CABP7: variants seen among roughly 807,000 people sequenced by gnomAD.
CABP7 encodes calcium binding protein 7.
A neutral mutation model predicts 23.1 loss-of-function variants in CABP7; 13 were observed. The observed-to-expected ratio is 0.56, with a 90% CI of 0.37 to 0.90. The LOEUF is 0.90. CABP7 is among the 40% of genes least tolerant of loss of function. CABP7 has a pLI of 0.01. For synonymous variants in CABP7, 123 were observed against 115.3 expected (o/e 1.07, Z -0.43); for missense variants, 248 against 295.6 (o/e 0.84, Z 1.18).
In CABP7 at chr22:29,727,855, G is replaced by C; in HGVS notation, c.253+50G>C. 1 of 1,578,178 alleles carries C rather than the reference G, an allele frequency of 6.3e-7. No homozygotes were observed. On this transcript the variant is annotated intron_variant, in intron 2 of 4. Coordinates refer to ENST00000216144, the MANE Select transcript of CABP7 (RefSeq NM_182527.3). This position sits in a 1 kb window ranked among gnomAD's most constrained non-coding sequence, Gnocchi z 4.2. Reference sequence around the variant, plus strand: ...CCCCACCTGGCATCTGGGCCCTGGGGGTGGGGCAGGGGCTGGGGCCTGAGC... The same window carrying C: ...CCCCACCTGGCATCTGGGCCCTGGGCGTGGGGCAGGGGCTGGGGCCTGAGC...
At chr22:29,723,766 G>T (rs1296520464) in intron 1 of CABP7, among the ~76,000 whole-genome samples, 3 of 152,252 alleles carry the variant, frequency 2.0e-5, no homozygotes. Flanking sequence ...GAGTGGTGGG[G>T]CACGGGGCCA....
Position 29,729,402 on chromosome 22 carries a change from C to T in CABP7, c.521-40C>T, listed in dbSNP as rs757117993. On this transcript the variant is annotated intron_variant, in intron 4 of 4. Transcript: ENST00000216144. ...GCTCCTGACTCCATCGCTTTGATGTCCCCTTCTGTCTCCCCGGTGCTCCCG... is the reference window on the plus strand; with the variant it reads ...GCTCCTGACTCCATCGCTTTGATGTTCCCTTCTGTCTCCCCGGTGCTCCCG... 3.7e-6 allele frequency: 6 copies of T among 1,602,786 alleles called. No homozygotes were observed. In the African/African-American group the frequency reaches 8.0e-5, roughly 21 times the overall value.
At position 29,731,293 on chromosome 22, in the gene CABP7, G is replaced by A. The variant is rs2067840667; in HGVS notation, c.*1724G>A. 1 of 1,526,808 alleles carries A rather than the reference G, an allele frequency of 6.5e-7. No individual in the cohort carries two copies. Among genetic ancestry groups the A allele is most frequent in the Non-Finnish European group, 8.7e-7 (1 of 1,149,406 alleles). The allele number at this position is 1,526,808 out of a possible 1,614,324, so 94.6% of individuals were successfully genotyped here. On this transcript the variant is annotated 3_prime_UTR_variant, in exon 5 of 5. Coordinates refer to ENST00000216144, the MANE Select transcript of CABP7 (RefSeq NM_182527.3). ...GGGGGTGCCCGCAGGGATGGAGGCAGCTCCTGAACTGGTGGCCAGCCCACG... is the reference window on the plus strand; with the variant it reads ...GGGGGTGCCCGCAGGGATGGAGGCAACTCCTGAACTGGTGGCCAGCCCACG...
rs117612130 is a variant in CABP7 at position 29,724,576 on chromosome 22, T to C, written c.110-3086T>C. Among the ~76,000 whole-genome samples, 361 of 152,328 alleles carry C rather than the reference T, an allele frequency of 2.4e-3. 2 individuals are homozygous for C. In the South Asian group the frequency reaches 0.027, roughly 12 times the overall value. ...ACCTTGGGTCTCTGCCACTTCAGGC[T>C]GCCTCCCTGGCTGGGAAGGTGGTGC... On this transcript the variant is annotated intron_variant, in intron 1 of 4. Coordinates refer to ENST00000216144, the MANE Select transcript of CABP7 (RefSeq NM_182527.3).
At chr22:29,721,460 G>A (rs1016195347) in intron 1 of CABP7, among the ~76,000 whole-genome samples, 9 of 152,110 alleles carry the variant, frequency 5.9e-5, no homozygotes, top group Non-Finnish European at 1.2e-4. Flanking sequence ...GGCTGATGGG[G>A]GTCACGGCCT....
chr22:29,720,666 T>C lies in CABP7; in HGVS notation c.109+133T>C. On this transcript the variant is annotated intron_variant, in intron 1 of 4. Coordinates refer to ENST00000216144, the MANE Select transcript of CABP7 (RefSeq NM_182527.3). This position sits in a 1 kb window ranked among gnomAD's most constrained non-coding sequence, Gnocchi z 5.2. ...CCGGTTGCCAGGTGGGCGCCCCAGC[T>C]AGCAGCTGTGCCCCGCGGCAAGACC... is the stretch of plus-strand genomic sequence containing the variant. 1 of 474,248 alleles carries C rather than the reference T, an allele frequency of 2.1e-6. No individual in the cohort carries two copies. The highest frequency in any genetic ancestry group is 2.9e-5 in the South Asian group (1 of 34,006). 29.4% of individuals were successfully genotyped at this position (474,248 alleles called of 1,614,324 possible).
At chr22:29,726,968 C>T (rs1219489670) in intron 1 of CABP7, among the ~76,000 whole-genome samples, 1 of 152,172 alleles carries the variant, frequency 6.6e-6, no homozygotes, top group East Asian at 1.9e-4. Flanking sequence ...TTGCTTGTTC[C>T]CCGGGCTCCC....
Position 29,727,797 on chromosome 22 carries a change from A to G in CABP7, c.245A>G (p.Asp82Gly). 6.2e-7 allele frequency: 1 copy of G among 1,608,612 alleles called. No individual in the cohort carries two copies. Among genetic ancestry groups the G allele is most frequent in the Non-Finnish European group, 8.5e-7 (1 of 1,177,050 alleles). Residue 82 changes from aspartate (D) to glycine (G), a missense_variant, in exon 2 of 5, where the codon GAC (aspartate) becomes GGC (glycine). By Grantham distance (94) the Asp-to-Gly change is moderately conservative. Coordinates refer to ENST00000216144, the MANE Select transcript of CABP7 (RefSeq NM_182527.3). The surrounding 1 kb of genome is among the most constrained non-coding windows in gnomAD (Gnocchi z 4.2). ...CTGGAGGTCATCATCCAGCGGCTGG[A>G]CATGGATGGTGAGCACCCCCCCGCC... ...VELEVIIQRLDMDGDGQVDFE... is the reference protein window; with the variant it reads ...VELEVIIQRLGMDGDGQVDFE...
intron 3 of CABP7, 48 bp from the exon 4 acceptor site, chr22:29,729,007 T>A: frequency 2.5e-6 from 4 of 1,594,356 alleles, no homozygotes; most frequent in Non-Finnish European, 3.4e-6. Flanking sequence ...GGGTGCTGGG[T>A]GGGGGCTGCG....
intron 1 of CABP7, among the ~76,000 whole-genome samples, chr22:29,723,304 G>A (rs1879618113): frequency 6.6e-6 from 1 of 152,118 alleles, no homozygotes; most frequent in African/African-American, 2.4e-5. Flanking sequence ...AGTTGGCAGG[G>A]TAGGAATGTG....
intron 1 of CABP7, among the ~76,000 whole-genome samples, chr22:29,726,275 T>C (rs971096678): frequency 2.6e-5 from 4 of 152,114 alleles, no homozygotes; most frequent in Non-Finnish European, 5.9e-5. Context: ...ATAAGCCTGA[T>C]AAGGGTGGGG....
At chr22:29,723,606 T>A (rs967860062) in intron 1 of CABP7, among the ~76,000 whole-genome samples, 1 of 152,174 alleles carries the variant, frequency 6.6e-6, no homozygotes, top group African/African-American at 2.4e-5. Context: ...GGGCTGACAC[T>A]TGGCCTGCCC....
chr22:29,728,654 A>C lies in CABP7; in HGVS notation c.278A>C (p.Glu93Ala). The change falls in exon 3 of 5, where the codon GAG (glutamate) becomes GCG (alanine). Residue 93 changes from glutamate (E) to alanine (A), a missense_variant. Transcript: ENST00000216144. ...MDGDGQVDFE[E>A]FVTLLGPKLS... is the part of the protein sequence containing the mutation. Reference sequence around the variant, plus strand: ...GGTGATGGTCAAGTGGACTTTGAGGAGTTTGTGACCCTTCTGGGACCCAAA... The same window carrying C: ...GGTGATGGTCAAGTGGACTTTGAGGCGTTTGTGACCCTTCTGGGACCCAAA... 1 of 1,613,314 alleles carries C rather than the reference A, an allele frequency of 6.2e-7. No individual in the cohort carries two copies. Among genetic ancestry groups the C allele is most frequent in the Non-Finnish European group, 8.5e-7 (1 of 1,179,602 alleles).
At position 29,727,584 on chromosome 22, in the gene CABP7, T is replaced by A. The variant is rs1356543161; in HGVS notation, c.110-78T>A. On this transcript the variant is annotated intron_variant, in intron 1 of 4. Coordinates refer to ENST00000216144, the MANE Select transcript of CABP7 (RefSeq NM_182527.3). This position sits in a 1 kb window ranked among gnomAD's most constrained non-coding sequence, Gnocchi z 4.2. ...TCAAGGCCATGCTCAGGCTGCAGGG[T>A]CGGTGATCCTGGGGGTCTGGAAAGG... 1.3e-6 allele frequency: 2 copies of A among 1,570,566 alleles called. No individual in the cohort carries two copies. The highest frequency in any genetic ancestry group is 1.7e-5 in the Admixed American group (1 of 58,240).
At chr22:29,724,646 G>T (rs1287874601) in intron 1 of CABP7, among the ~76,000 whole-genome samples, 2 of 152,196 alleles carry the variant, frequency 1.3e-5, no homozygotes, top group Admixed American at 6.5e-5. Flanking sequence ...CTGGGGCAGG[G>T]CTCCCAGCAC....
At chr22:29,728,381 G>C (rs576364197) in intron 2 of CABP7, among the ~76,000 whole-genome samples, 1 of 152,078 alleles carries the variant, frequency 6.6e-6, no homozygotes, top group Non-Finnish European at 1.5e-5. Flanking sequence ...GGAGGGTCAC[G>C]GCCCACCTGC....
Position 29,727,264 on chromosome 22 carries a change from G to T in CABP7, c.110-398G>T, listed in dbSNP as rs577933792. ...GGAGGCGCAGCGGGATGGAGATGGT[G>T]GGGGAGAGGGGGATGAAAGGAATGG... On this transcript the variant is annotated intron_variant, in intron 1 of 4. Coordinates refer to ENST00000216144, the MANE Select transcript of CABP7 (RefSeq NM_182527.3). The surrounding 1 kb of genome is among the most constrained non-coding windows in gnomAD (Gnocchi z 4.2). 1.7e-4 allele frequency among the ~76,000 whole-genome samples: 26 copies of T among 151,864 alleles called. No individual in the cohort carries two copies. Among genetic ancestry groups the T allele is most frequent in the Admixed American group, 7.9e-4 (12 of 15,274 alleles).
rs1202381477 is a variant in CABP7, at chr22:29,729,437, C to T, written c.521-5C>T. On this transcript the variant is annotated splice_region_variant and splice_polypyrimidine_tract_variant and intron_variant, in intron 4 of 4. Transcript: ENST00000216144. The stretch of plus-strand genomic sequence containing the variant: ...CTCCCCGGTGCTCCCGGCGGGCGGC[C>T]ACAGCCTGCTCCAACCAGCAGATCC... The T allele has an allele frequency of 6.2e-7, 1 of 1,609,222 alleles. No homozygotes were observed. Among genetic ancestry groups the T allele is most frequent in the Admixed American group, 1.7e-5 (1 of 59,984 alleles).
At chr22:29,723,737 C>CTT (rs2067777645) in intron 1 of CABP7, among the ~76,000 whole-genome samples, 1 of 152,220 alleles carries the variant, frequency 6.6e-6, no homozygotes, top group African/African-American at 2.4e-5. Context: ...TCTGCACAGC[C>CTT]AAAAGCTCAG....
Sources: allele counts gnomAD v4.1 joint callset (sites outside exome capture counted in the v4.1 genomes callset), GRCh38; gene constraint gnomAD v4.1.1; non-coding constraint Gnocchi (gnomAD v3.1); transcripts MANE v1.5; gene names NCBI Gene and HGNC (gene_info 2026-07-23, HGNC 2026-07-21).